PLCB1: variants seen among roughly 807,000 people sequenced by gnomAD.
The protein encoded by PLCB1 is phospholipase C beta 1.
Under a neutral mutation model 161.8 loss-of-function variants are expected in PLCB1, and 46 were observed. That is an observed-to-expected ratio of 0.28 (90% CI 0.22 to 0.36). The LOEUF (loss-of-function observed/expected upper bound fraction) is 0.36, where lower values mean the gene tolerates loss of function less well. PLCB1 is among the 10% of genes least tolerant of loss of function. The probability of loss-of-function intolerance (pLI) is 1.00; values close to 1 mark genes in which losing one functional copy is unlikely to be tolerated. For missense variants in PLCB1, 1,016 were observed against 1,472.5 expected, an observed-to-expected ratio of 0.69 and a Z score of 5.07; for synonymous variants, 517 against 503.7, an observed-to-expected ratio of 1.03 and a Z score of -0.35.
intron 1 of PLCB1, among the ~76,000 whole-genome samples, chr20:8,138,658 A>G (rs2051372140): frequency 6.6e-6 from 1 of 152,210 alleles, no homozygotes; most frequent in African/African-American, 2.4e-5. Flanking sequence ...AAATATAGAC[A>G]TATTTCTGAG....
rs1047858614 is a variant in PLCB1, at chr20:8,514,926, C to G, written c.247-113368C>G. On this transcript the variant is annotated intron_variant, in intron 3 of 31. Coordinates refer to ENST00000338037, the MANE Select transcript of PLCB1 (RefSeq NM_015192.4). ...CATCTCCAGGAGTTCAGGGGTTAGG[C>G]TAAGATTCTGAGTTTCCAATAAGTA... 2.6e-5 allele frequency among the ~76,000 whole-genome samples: 4 copies of G among 152,212 alleles called. No individual in the cohort carries two copies. In the South Asian group the frequency reaches 8.3e-4, roughly 32 times the overall value.
intron 4 of PLCB1, among the ~76,000 whole-genome samples, chr20:8,633,536 T>C (rs891493788): frequency 1.3e-4 from 20 of 152,062 alleles, no homozygotes; most frequent in Non-Finnish European, 1.5e-5. Flanking sequence ...TGACTGTAGA[T>C]AGAGATGTCC....
At position 8,791,994 on chromosome 20, in the gene PLCB1, G is replaced by A. The variant is rs6039271; in HGVS notation, c.3423+1733G>A. 0.22 allele frequency: 34,081 copies of A among 152,146 alleles called. 3,867 individuals carry two copies. Among genetic ancestry groups the A allele is most frequent in the Middle Eastern group, 0.35 (104 of 294 alleles). 9.4% of individuals were successfully genotyped at this position (152,146 alleles called of 1,614,324 possible). A position where few individuals can be genotyped will look rare whatever the true frequency, so the allele number is the denominator to read the frequency against. ...AGTAAGCCACGTTACTGGAAATTCA[G>A]AGGTACTACAGTTGTAACAGTGATT... On this transcript the variant is annotated intron_variant, in intron 31 of 31. Coordinates refer to ENST00000338037, the MANE Select transcript of PLCB1 (RefSeq NM_015192.4).
intron 23 of PLCB1, chr20:8,751,995 A>G (rs1425172084): frequency 6.6e-6 from 1 of 152,200 alleles, no homozygotes. Context: ...CGATCTTTCA[A>G]TTATAATATC....
intron 2 of PLCB1, among the ~76,000 whole-genome samples, chr20:8,362,677 G>A (rs1460227424): frequency 2.6e-5 from 4 of 152,250 alleles, no homozygotes; most frequent in East Asian, 3.9e-4. Context: ...ATCTCACCTG[G>A]CAATCTGCAA....
chr20:8,312,572 G>T (rs1350022249), intron 2 of PLCB1, among the ~76,000 whole-genome samples: 1 of 152,070 alleles, frequency 6.6e-6, no homozygotes, highest in African/African-American at 2.4e-5. Context: ...TGCGGTGCTT[G>T]GGTAGTGCCA....
At chr20:8,866,146 G>A (rs1600103181) in intron 31 of PLCB1, among the ~76,000 whole-genome samples, 3 of 152,268 alleles carry the variant, frequency 2.0e-5, no homozygotes, top group South Asian at 2.1e-4. Context: ...TTCCAAACCC[G>A]ATGTGTTTAG....
intron 3 of PLCB1, among the ~76,000 whole-genome samples, chr20:8,463,144 G>C (rs1411155235): frequency 1.0e-5 from 1 of 98,654 alleles, no homozygotes; most frequent in Non-Finnish European, 2.2e-5. Context: ...CTAGTACAGA[G>C]CAGTGTGTGT....
At chr20:8,344,459 G>T (rs1985921626) in intron 2 of PLCB1, among the ~76,000 whole-genome samples, 1 of 152,128 alleles carries the variant, frequency 6.6e-6, no homozygotes, top group Non-Finnish European at 1.5e-5. Flanking sequence ...TTTCTCTATT[G>T]CATGGTGCAC....
intron 2 of PLCB1, among the ~76,000 whole-genome samples, chr20:8,276,928 T>G (rs1162177151): frequency 5.6e-5 from 1 of 17,938 alleles, no homozygotes; most frequent in African/African-American, 1.5e-4. Flanking sequence ...CTTCTTCTTT[T>G]CTTCTTCTTC....
chr20:8,774,712 T>C lies in PLCB1; in HGVS notation c.3104T>C (p.Ile1035Thr), dbSNP rs1424545241. The C allele has an allele frequency of 6.3e-7, 1 of 1,594,982 alleles. No homozygotes were observed. The highest frequency in any genetic ancestry group is 1.1e-5 in the South Asian group (1 of 89,326). Residue 1035 changes from isoleucine (I) to threonine (T), a missense_variant, in exon 27 of 32, where the codon ATT becomes ACT. Physicochemically the swap from Ile to Thr is moderately conservative, Grantham distance 89. Coordinates refer to ENST00000338037, the MANE Select transcript of PLCB1 (RefSeq NM_015192.4). ...GAAAAATACCAGAAGCGAGAACATA[T>C]TAAACTGGTGAGCCTGAGAAACATG... is the stretch of plus-strand genomic sequence containing the variant. ...YSEKYQKREH[I>T]KLLIQKLTDV...
At chr20:8,145,146 G>A (rs1235809367) in intron 1 of PLCB1, among the ~76,000 whole-genome samples, 1 of 152,156 alleles carries the variant, frequency 6.6e-6, no homozygotes, top group Non-Finnish European at 1.5e-5. Flanking sequence ...GGAGATAAAG[G>A]TGTCAGCAGG....
rs111341386 is a variant in PLCB1 at position 8,682,599 on chromosome 20, G to T, written c.863-2333G>T. 2.7e-4 allele frequency among the ~76,000 whole-genome samples: 41 copies of T among 152,288 alleles called. 1 individual carries two copies. Among genetic ancestry groups the T allele is most frequent in the African/African-American group, 8.7e-4 (36 of 41,562 alleles). ...TTGAGAAATGTATTGAATGTGAAAA[G>T]ATTTTTACTGTGGTAAATAATCAGT... On this transcript the variant is annotated intron_variant, in intron 9 of 31. Transcript: ENST00000338037.
chr20:8,671,196 G>A (rs1015598843), intron 9 of PLCB1, among the ~76,000 whole-genome samples: 2 of 152,126 alleles, frequency 1.3e-5, no homozygotes, highest in African/African-American at 4.8e-5. Context: ...TGGATTTATG[G>A]GCCATCTGTC....
At chr20:8,601,724 C>A (rs2123143705) in intron 3 of PLCB1, among the ~76,000 whole-genome samples, 1 of 152,292 alleles carries the variant, frequency 6.6e-6, no homozygotes, top group African/African-American at 2.4e-5. Context: ...CATTCCTAAA[C>A]TAGAACACCT....
Position 8,760,430 on chromosome 20 carries a change from A to G in PLCB1, c.2680A>G (p.Thr894Ala), listed in dbSNP as rs2123572151. The G allele has an allele frequency of 6.2e-7, 1 of 1,611,298 alleles. No individual in the cohort carries two copies. The highest frequency in any genetic ancestry group is 8.5e-7 in the Non-Finnish European group (1 of 1,177,624). ...AGGTTCTGTAAAGGCACCTGCCAAA[A>G]CAGAAGATCTTATTCAGAGTGTCTT... ...APGSVKAPAK[T>A]EDLIQSVLTE... The change falls in exon 25 of 32, where the codon ACA becomes GCA. Residue 894 changes from threonine (T) to alanine (A), a missense_variant. Coordinates refer to ENST00000338037, the MANE Select transcript of PLCB1 (RefSeq NM_015192.4).
rs1033020142 is a variant in PLCB1 at position 8,737,156 on chromosome 20, T to A, written c.2172T>A (p.Asn724Lys). The change falls in exon 20 of 32, where the codon AAT (asparagine) becomes AAA (lysine). Residue 724 changes from asparagine (N) to lysine (K), a missense_variant. By Grantham distance (94) the Asn-to-Lys change is moderately conservative. Coordinates refer to ENST00000338037, the MANE Select transcript of PLCB1 (RefSeq NM_015192.4). ...KTKTSQGNAVNPVWEEEPIVF... is the reference protein window; with the variant it reads ...KTKTSQGNAVKPVWEEEPIVF... The stretch of plus-strand genomic sequence containing the variant: ...AAACATCCCAAGGAAATGCTGTGAA[T>A]CCTGTCTGGGAAGAAGAACCTATTG... 1 of 1,613,896 alleles carries A rather than the reference T, an allele frequency of 6.2e-7. No individual in the cohort carries two copies.
At chr20:8,156,300 T>A (rs912943644) in intron 2 of PLCB1, among the ~76,000 whole-genome samples, 1 of 152,162 alleles carries the variant, frequency 6.6e-6, no homozygotes, top group African/African-American at 2.4e-5. Context: ...ATCCCAGAAC[T>A]CTCTAGTGGG....
intron 1 of PLCB1, among the ~76,000 whole-genome samples, chr20:8,138,044 C>G (rs1332028864): frequency 6.6e-6 from 1 of 152,176 alleles, no homozygotes; most frequent in Non-Finnish European, 1.5e-5. Flanking sequence ...CAACAAAACC[C>G]TAGTAATTTA....
Sources: allele counts gnomAD v4.1 joint callset (sites outside exome capture counted in the v4.1 genomes callset), GRCh38; gene constraint gnomAD v4.1.1; transcripts MANE v1.5; gene names NCBI Gene and HGNC (gene_info 2026-07-23, HGNC 2026-07-21).